The following RUSF1 variants were observed in gnomAD, a reference collection of about 807,000 sequenced individuals.
The protein encoded by RUSF1 is RUS family member 1, also known as RUS1 family protein C16orf58.
RUSF1 carries 58 observed loss-of-function variants against 63.0 expected under a neutral mutation model. That is an observed-to-expected ratio of 0.92 (90% CI 0.75 to 1.15). The LOEUF (loss-of-function observed/expected upper bound fraction) is 1.15, where lower values mean the gene tolerates loss of function less well. Among genes scored for constraint, RUSF1 ranks in the 50% most tolerant of loss-of-function variants. The pLI, the probability that RUSF1 is intolerant of heterozygous loss-of-function variation, is 0.00. For synonymous variants in RUSF1, 274 were observed against 255.8 expected (o/e 1.07, Z -0.68); for missense variants, 652 against 611.0 (o/e 1.07, Z -0.71).
At chr16:31,499,823 C>G (rs1481592021) in intron 3 of RUSF1, among the ~76,000 whole-genome samples, 2 of 152,110 alleles carry the variant, frequency 1.3e-5, no homozygotes, top group Non-Finnish European at 2.9e-5. Flanking sequence ...TGGAGGGAGG[C>G]TCTTCCTGAG....
chr16:31,507,505 G>C (rs1366600869), intron 2 of RUSF1, among the ~76,000 whole-genome samples: 1 of 152,152 alleles, frequency 6.6e-6, no homozygotes, highest in Non-Finnish European at 1.5e-5. Context: ...AAAGGGGAGG[G>C]GACGGGATTT....
intron 2 of RUSF1, among the ~76,000 whole-genome samples, chr16:31,506,404 GAT>G (rs939102194): frequency 6.6e-6 from 1 of 152,164 alleles, no homozygotes; most frequent in Admixed American, 6.5e-5. Context: ...TTGGATAAGG[GAT>G]ATTCAATCTG....
intron 5 of RUSF1, among the ~76,000 whole-genome samples, 156 bp from the exon 6 acceptor site, chr16:31,497,106 G>C (rs1008550103): frequency 1.3e-5 from 2 of 152,168 alleles, no homozygotes; most frequent in African/African-American, 2.4e-5. Flanking sequence ...CAACTTCCCT[G>C]TCCTGTTCTA....
At chr16:31,503,970 G>A (rs1233411990) in intron 2 of RUSF1, among the ~76,000 whole-genome samples, 1 of 145,134 alleles carries the variant, frequency 6.9e-6, no homozygotes, top group Non-Finnish European at 1.5e-5. Context: ...CCAATAACAA[G>A]CCTTTTAAGT....
In RUSF1 at chr16:31,492,004, G is replaced by C. The variant is rs375913449; in HGVS notation, c.1309+5C>G. On this transcript the variant is annotated splice_donor_5th_base_variant and intron_variant, in intron 12 of 12. Transcript: ENST00000327237. Reference sequence around the variant, plus strand: ...GCCAAGCAGCCATGGGCTGAGGGATGTTACCTTTCAAGAACTTTGGGAACA... The same window carrying C: ...GCCAAGCAGCCATGGGCTGAGGGATCTTACCTTTCAAGAACTTTGGGAACA... 1.2e-6 allele frequency: 2 copies of C among 1,614,038 alleles called. No homozygotes were observed. The highest frequency in any genetic ancestry group is 2.2e-5 in the South Asian group (2 of 91,078).
Position 31,500,711 on chromosome 16 carries a change from G to A in RUSF1, c.436C>T (p.Arg146Cys), listed in dbSNP as rs1351729920. The change falls in exon 3 of 13, where the codon CGC becomes TGC. Residue 146 changes from arginine (R) to cysteine (C), a missense_variant. Transcript: ENST00000327237. The part of the protein sequence containing the change: ...LVKDSTGMLG[R>C]IVFAWWKGSK... ...CCTTTCCACCAGGCAAAGACGATGCGGCCCAGCATGCCAGTTGAATCTGGG... is the reference window on the plus strand; with the variant it reads ...CCTTTCCACCAGGCAAAGACGATGCAGCCCAGCATGCCAGTTGAATCTGGG... 2 of 1,612,538 alleles carry A rather than the reference G, an allele frequency of 1.2e-6. No individual in the cohort carries two copies. The highest frequency in any genetic ancestry group is 2.2e-5 in the East Asian group (1 of 44,878).
chr16:31,491,570 C>A (rs1596624146), intron 12 of RUSF1, among the ~76,000 whole-genome samples: 3 of 151,456 alleles, frequency 2.0e-5, no homozygotes, highest in Admixed American at 1.3e-4. Flanking sequence ...CCCGCCTTGG[C>A]CTCCCAAAGT....
At chr16:31,495,332 G>T (rs542953424) in intron 6 of RUSF1, among the ~76,000 whole-genome samples, 1 of 152,292 alleles carries the variant, frequency 6.6e-6, no homozygotes, top group South Asian at 2.1e-4. Context: ...GGGAATAAAC[G>T]CTGTGGGTGT....
chr16:31,508,324 C>T lies in RUSF1; in HGVS notation c.50G>A (p.Gly17Asp). The change falls in exon 1 of 13, where the codon GGC becomes GAC. Residue 17 changes from glycine to aspartate, a missense_variant. Coordinates refer to ENST00000327237, the MANE Select transcript of RUSF1 (RefSeq NM_022744.4). The part of the protein sequence containing the change: ...LETPLCSEQF[G>D]SGEARGCRAA... ...GCGGCAGCCCCGTGCCTCCCCGGAG[C>T]CGAACTGCTCGGAACACAGCGGGGT... 1 of 1,576,868 alleles carries T rather than the reference C, an allele frequency of 6.3e-7. No homozygotes were observed. The highest frequency in any genetic ancestry group is 8.6e-7 in the Non-Finnish European group (1 of 1,166,958).
intron 6 of RUSF1, among the ~76,000 whole-genome samples, 160 bp downstream of exon 6, chr16:31,496,689 G>A (rs1040687885): frequency 3.3e-5 from 5 of 152,180 alleles, no homozygotes; most frequent in African/African-American, 7.2e-5. Flanking sequence ...CGGACTTGCC[G>A]CCACCAGAGC....
At position 31,508,318 on chromosome 16, in the gene RUSF1, C is replaced by T; in HGVS notation, c.56G>A (p.Gly19Glu). 4 of 1,578,452 alleles carry T rather than the reference C, an allele frequency of 2.5e-6. No homozygotes were observed. The highest frequency in any genetic ancestry group is 3.4e-6 in the Non-Finnish European group (4 of 1,166,680). ...TPLCSEQFGS[G>E]EARGCRAAAD... ...GGCGGCGCGGCAGCCCCGTGCCTCCCCGGAGCCGAACTGCTCGGAACACAG... is the reference window on the plus strand; with the variant it reads ...GGCGGCGCGGCAGCCCCGTGCCTCCTCGGAGCCGAACTGCTCGGAACACAG... The change falls in exon 1 of 13, where the codon GGG (glycine) becomes GAG (glutamate). Residue 19 changes from glycine (G) to glutamate (E), a missense_variant. Physicochemically the swap from Gly to Glu is moderately conservative, Grantham distance 98. Coordinates refer to ENST00000327237, the MANE Select transcript of RUSF1 (RefSeq NM_022744.4).
At chr16:31,497,944 G>A (rs974303674) in intron 5 of RUSF1, among the ~76,000 whole-genome samples, 1 of 152,202 alleles carries the variant, frequency 6.6e-6, no homozygotes, top group Non-Finnish European at 1.5e-5. Context: ...TCTGAGAGAG[G>A]AGCGGCACGG....
chr16:31,500,654 G>A, intron 3 of RUSF1, 32 bp downstream of exon 3: 1 of 1,606,622 alleles, frequency 6.2e-7, no homozygotes. Flanking sequence ...GGGAAGAGTT[G>A]CCAGAGTTGC....
At chr16:31,494,192 T>C (rs2082590292) in intron 6 of RUSF1, among the ~76,000 whole-genome samples, 1 of 152,058 alleles carries the variant, frequency 6.6e-6, no homozygotes, top group South Asian at 2.1e-4. Context: ...TGAGACCAGC[T>C]TGGGCAACAT....
Position 31,490,601 on chromosome 16 carries a change from C to T in RUSF1, c.*234G>A. On this transcript the variant is annotated 3_prime_UTR_variant, in exon 13 of 13. Transcript: ENST00000327237. ...AAGTGGGGGTGAGGAGCCTGCGGTGCTCCCCAGAAAAGGGGAAGGGGCAGT... is the reference window on the plus strand; with the variant it reads ...AAGTGGGGGTGAGGAGCCTGCGGTGTTCCCCAGAAAAGGGGAAGGGGCAGT... 7.2e-7 allele frequency: 1 copy of T among 1,386,100 alleles called. No homozygotes were observed. The highest frequency in any genetic ancestry group is 1.2e-5 in the South Asian group (1 of 82,276). 85.9% of individuals were successfully genotyped at this position (1,386,100 alleles called of 1,614,324 possible).
chr16:31,492,458 C>A, intron 10 of RUSF1, 118 bp from the exon 11 acceptor site: 1 of 1,184,742 alleles, frequency 8.4e-7, no homozygotes, highest in Non-Finnish European at 1.1e-6. Flanking sequence ...GGAAGGCTAG[C>A]ACCTCACCCT....
chr16:31,504,153 G>C (rs1410601770), intron 2 of RUSF1, among the ~76,000 whole-genome samples: 2 of 151,834 alleles, frequency 1.3e-5, no homozygotes, highest in Non-Finnish European at 2.9e-5. Context: ...ACCTGCCTCT[G>C]CCTCCCAATG....
intron 5 of RUSF1, among the ~76,000 whole-genome samples, chr16:31,497,379 C>A (rs1044917412): frequency 1.3e-5 from 2 of 152,132 alleles, no homozygotes; most frequent in Non-Finnish European, 1.5e-5. Flanking sequence ...ATGGCCCTGA[C>A]CTCCCAGGGT....
At chr16:31,502,302 C>T (rs2082636981) in intron 2 of RUSF1, among the ~76,000 whole-genome samples, 1 of 152,160 alleles carries the variant, frequency 6.6e-6, no homozygotes, top group African/African-American at 2.4e-5. Flanking sequence ...CCACTGAGAG[C>T]AGATGCATTC....
Sources: gnomAD v4.1 joint callset for allele counts (sites outside exome capture counted in the v4.1 genomes callset) on GRCh38, gnomAD v4.1.1 for gene constraint, MANE v1.5 for transcripts, NCBI Gene and HGNC (gene_info 2026-07-23, HGNC 2026-07-21) for gene names.